CPA6: variants seen among roughly 807,000 people sequenced by gnomAD.
CPA6 encodes the protein carboxypeptidase A6.
Under a neutral mutation model 63.3 loss-of-function variants are expected in CPA6, and 58 were observed. That is an observed-to-expected ratio of 0.92 (90% CI 0.74 to 1.14). The LOEUF is 1.14. Ranked by LOEUF, CPA6 falls within the 50% of genes most tolerant of loss-of-function variation. The probability of loss-of-function intolerance (pLI) is 0.00; values close to 1 mark genes in which losing one functional copy is unlikely to be tolerated. For synonymous variants in CPA6, 185 were observed against 179.0 expected (o/e 1.03, Z -0.27); for missense variants, 565 against 526.6 (o/e 1.07, Z -0.71).
At chr8:67,714,480 C>T (rs981181276) in intron 1 of CPA6, among the ~76,000 whole-genome samples, 2 of 152,148 alleles carry the variant, frequency 1.3e-5, no homozygotes, top group South Asian at 2.1e-4. Context: ...AGCCCGAGCA[C>T]TCCTCAGGCT....
chr8:67,556,197 T>C (rs1813056266), intron 2 of CPA6, among the ~76,000 whole-genome samples: 1 of 152,148 alleles, frequency 6.6e-6, no homozygotes, highest in African/African-American at 2.4e-5. Context: ...GAATAAGGGA[T>C]TTATTATGGG....
intron 2 of CPA6, among the ~76,000 whole-genome samples, chr8:67,554,888 A>G (rs974895268): frequency 6.6e-6 from 1 of 151,776 alleles, no homozygotes; most frequent in Admixed American, 6.6e-5. Context: ...GATCTTCTCC[A>G]CTCAGTCCAC....
intron 1 of CPA6, among the ~76,000 whole-genome samples, chr8:67,673,391 T>TA (rs199536288): frequency 0.16 from 22,669 of 142,392 alleles, 2,524 homozygotes; most frequent in African/African-American, 0.32. Context: ...TTTATTTATT[T>TA]TTTTTTTTTT....
chr8:67,554,089 G>C (rs918703390), intron 2 of CPA6, among the ~76,000 whole-genome samples: 3 of 152,164 alleles, frequency 2.0e-5, no homozygotes, highest in Admixed American at 1.3e-4. Flanking sequence ...AGCATATAGA[G>C]AGACACATGA....
intron 1 of CPA6, among the ~76,000 whole-genome samples, chr8:67,637,042 G>A (rs1239622104): frequency 1.3e-5 from 2 of 151,636 alleles, no homozygotes; most frequent in African/African-American, 4.9e-5. Context: ...GTGGCAGTTT[G>A]CTTAGGACAT....
chr8:67,470,579 T>C (rs1018284348), intron 8 of CPA6, among the ~76,000 whole-genome samples: 9 of 152,150 alleles, frequency 5.9e-5, no homozygotes, highest in Admixed American at 5.9e-4. Context: ...CCTACCAGAG[T>C]CTTGGAGATT....
chr8:67,661,705 G>C (rs1407398405), intron 1 of CPA6, among the ~76,000 whole-genome samples: 2 of 152,184 alleles, frequency 1.3e-5, no homozygotes, highest in Non-Finnish European at 2.9e-5. Context: ...AGAACTTTTT[G>C]AGAAATGAGA....
At chr8:67,689,162 A>G (rs1415663065) in intron 1 of CPA6, among the ~76,000 whole-genome samples, 1 of 151,740 alleles carries the variant, frequency 6.6e-6, no homozygotes, top group Non-Finnish European at 1.5e-5. Context: ...GACTCAATGT[A>G]CTCCCGTAAC....
intron 6 of CPA6, among the ~76,000 whole-genome samples, chr8:67,495,766 C>A (rs796999426): frequency 2.0e-5 from 3 of 152,220 alleles, no homozygotes; most frequent in African/African-American, 7.2e-5. Flanking sequence ...CAGCTCATTG[C>A]AGCCTTGACC....
chr8:67,495,259 C>A (rs915509601), intron 6 of CPA6, among the ~76,000 whole-genome samples: 1 of 152,176 alleles, frequency 6.6e-6, no homozygotes, highest in African/African-American at 2.4e-5. Flanking sequence ...TCCTCCTCTT[C>A]CATTCCCATA....
intron 2 of CPA6, among the ~76,000 whole-genome samples, chr8:67,557,395 G>C (rs1813088264): frequency 6.6e-6 from 1 of 152,192 alleles, no homozygotes; most frequent in Non-Finnish European, 1.5e-5. Context: ...ATGAATGAAA[G>C]TGATTCATGC....
intron 8 of CPA6, among the ~76,000 whole-genome samples, chr8:67,435,614 GTGTGTGTGCGTGCA>G (rs1034516845): frequency 6.9e-6 from 1 of 145,888 alleles, no homozygotes; most frequent in Admixed American, 6.7e-5. Context: ...CAGTGTGTGA[GTGTGTGTGCGTGCA>G]TGTGTGTGTG....
intron 8 of CPA6, among the ~76,000 whole-genome samples, chr8:67,436,024 C>T (rs1242768785): frequency 6.6e-6 from 1 of 151,320 alleles, no homozygotes; most frequent in African/African-American, 2.5e-5. Flanking sequence ...AATGCCACAG[C>T]TTTTAGCAAA....
At chr8:67,685,018 A>G (rs979799235) in intron 1 of CPA6, among the ~76,000 whole-genome samples, 1 of 151,934 alleles carries the variant, frequency 6.6e-6, no homozygotes. Context: ...GTTGAGCCCA[A>G]TCTCTCTCCC....
At chr8:67,640,716 C>G (rs1440542831) in intron 1 of CPA6, among the ~76,000 whole-genome samples, 4 of 151,442 alleles carry the variant, frequency 2.6e-5, no homozygotes, top group Non-Finnish European at 4.4e-5. Flanking sequence ...AAAGAGGCGG[C>G]CCTTCAGCTT....
chr8:67,588,492 A>G (rs1194180414), intron 2 of CPA6, among the ~76,000 whole-genome samples: 1 of 152,142 alleles, frequency 6.6e-6, no homozygotes, highest in Admixed American at 6.5e-5. Context: ...AAGGAGGCAA[A>G]CAGAATAGGA....
intron 8 of CPA6, among the ~76,000 whole-genome samples, chr8:67,474,018 A>T (rs1351269844): frequency 6.6e-6 from 1 of 152,140 alleles, no homozygotes; most frequent in African/African-American, 2.4e-5. Context: ...CATTCAGAGG[A>T]CAGCCAAGAA....
At chr8:67,715,104 G>A (rs757231745) in intron 1 of CPA6, among the ~76,000 whole-genome samples, 45 of 151,206 alleles carry the variant, frequency 3.0e-4, no homozygotes, top group Non-Finnish European at 5.2e-4. Flanking sequence ...TTTTTTTCCC[G>A]ATACAAACCA....
At chr8:67,476,142 A>G (rs1159023083) in intron 8 of CPA6, among the ~76,000 whole-genome samples, 1 of 151,714 alleles carries the variant, frequency 6.6e-6, no homozygotes, top group African/African-American at 2.4e-5. Context: ...AGCTGGGATT[A>G]TAGACATGTG....
Sources: allele counts gnomAD v4.1 joint callset (sites outside exome capture counted in the v4.1 genomes callset), GRCh38; gene constraint gnomAD v4.1.1; transcripts MANE v1.5; gene names NCBI Gene and HGNC (gene_info 2026-07-23, HGNC 2026-07-21).